The following PCBP2 variants were observed in gnomAD, a reference collection of about 807,000 sequenced individuals.
PCBP2 encodes poly(rC)-binding protein 2.
In PCBP2, 4 loss-of-function variants were observed where a neutral mutation model predicts 50.1. That is an observed-to-expected ratio of 0.08 (90% CI 0.04 to 0.18). PCBP2 has a LOEUF of 0.18. Among genes scored for constraint, PCBP2 ranks in the 10% least tolerant of loss-of-function variants. PCBP2 has a pLI of 1.00. For synonymous variants in PCBP2, 179 were observed against 168.0 expected, an observed-to-expected ratio of 1.07 and a Z score of -0.51; for missense variants, 161 against 474.3, an observed-to-expected ratio of 0.34 and a Z score of 6.14.
chr12:53,465,717 A>G (rs1055649599), intron 9 of PCBP2, among the ~76,000 whole-genome samples: 1 of 152,188 alleles, frequency 6.6e-6, no homozygotes, highest in African/African-American at 2.4e-5. Context: ...GGCTACCTTT[A>G]TAGGATTCCC....
rs144986654 is a variant in PCBP2 at position 53,459,653 on chromosome 12, AT to A, written c.375+259del. The A allele has an allele frequency of 1.2e-3, 323 of 271,388 alleles. 2 individuals carry two copies. The highest frequency in any genetic ancestry group is 1.4e-3 in the African/African-American group (65 of 44,846). The allele number at this position is 271,388 out of a possible 1,614,324, so 16.8% of individuals were successfully genotyped here. On this transcript the variant is annotated intron_variant, in intron 6 of 14. Transcript: ENST00000546463. ...CAACTATTACATATGACAAGTTTCT[AT>A]TTTTTTTTGGCAACTTTTCCATGAG...
chr12:53,479,276 A>C (rs1942888348), intron 14 of PCBP2, 130 bp from the exon 15 acceptor site: 1 of 789,156 alleles, frequency 1.3e-6, no homozygotes, highest in Admixed American at 2.0e-5. Context: ...GGTAAATTTA[A>C]GAAACCTTAA....
rs770944398 is a variant in PCBP2 at position 53,455,841 on chromosome 12, A to T, written c.127-44A>T. The T allele has an allele frequency of 7.7e-6, 10 of 1,306,694 alleles. No homozygotes were observed. The Admixed American group carries it at 1.2e-4, about 15-fold the overall frequency. 80.9% of individuals were successfully genotyped at this position (1,306,694 alleles called of 1,614,324 possible). A position where few individuals can be genotyped will look rare whatever the true frequency, so the allele number is the denominator to read the frequency against. On this transcript the variant is annotated intron_variant, in intron 4 of 14. Coordinates refer to ENST00000546463, the MANE Select transcript of PCBP2 (RefSeq NM_031989.5). The stretch of plus-strand genomic sequence containing the variant: ...GACTGTAGATCCTGTACATACTCAG[A>T]TCTTCTTTGTTTTAACTTCTTTTGG...
At position 53,465,993 on chromosome 12, in the gene PCBP2, C is replaced by G. The variant is rs938976854; in HGVS notation, c.714+20C>G. The G allele has an allele frequency of 2.4e-5, 39 of 1,611,964 alleles. No homozygotes were observed. The highest frequency in any genetic ancestry group is 4.0e-5 in the African/African-American group (3 of 74,866). ...CCAGATGTAAGTTTTGTTTTCACTT[C>G]TTGTTTTGAAAAGCTCCCTCTCCCA... On this transcript the variant is annotated intron_variant, in intron 10 of 14. Coordinates refer to ENST00000546463, the MANE Select transcript of PCBP2 (RefSeq NM_031989.5).
intron 9 of PCBP2, among the ~76,000 whole-genome samples, chr12:53,465,587 G>A (rs1941759753): frequency 6.6e-6 from 1 of 152,170 alleles, no homozygotes; most frequent in Non-Finnish European, 1.5e-5. Flanking sequence ...TTCCTCCTAG[G>A]CTATCTTGTA....
chr12:53,454,616 G>A (rs1451552675), intron 1 of PCBP2, 110 bp from the exon 2 acceptor site: 13 of 606,918 alleles, frequency 2.1e-5, no homozygotes, highest in Non-Finnish European at 3.6e-5. Flanking sequence ...CTGACATACT[G>A]TCATTTAAGG....
Position 53,461,206 on chromosome 12 carries a change from C to G in PCBP2, c.504+63C>G, listed in dbSNP as rs1941422303. ...CCATTCTGGGGACAGAGGGACTGAT[C>G]TATATTTAGTAAGACTAGAATTAAG... On this transcript the variant is annotated intron_variant, in intron 7 of 14. Coordinates refer to ENST00000546463, the MANE Select transcript of PCBP2 (RefSeq NM_031989.5). The G allele has an allele frequency of 5.7e-6, 9 of 1,566,914 alleles. No homozygotes were observed. In the East Asian group the frequency reaches 1.4e-4, roughly 24 times the overall value.
At position 53,459,167 on chromosome 12, in the gene PCBP2, G is replaced by T. The variant is rs541439636; in HGVS notation, c.244-105G>T. Reference sequence around the variant, plus strand: ...TTTGTCTATGGTGGATTATGACCTCGCATGTCCTAATAAGATCACTTACCC... The same window carrying T: ...TTTGTCTATGGTGGATTATGACCTCTCATGTCCTAATAAGATCACTTACCC... On this transcript the variant is annotated intron_variant, in intron 5 of 14. Coordinates refer to ENST00000546463, the MANE Select transcript of PCBP2 (RefSeq NM_031989.5). 58 of 897,226 alleles carry T rather than the reference G, an allele frequency of 6.5e-5. No individual in the cohort carries two copies. The African/African-American group carries it at 9.5e-4, about 15-fold the overall frequency. The allele number at this position is 897,226 out of a possible 1,614,324, so 55.6% of individuals were successfully genotyped here.
chr12:53,465,017 G>T, intron 9 of PCBP2, 165 bp downstream of exon 9: 1 of 795,200 alleles, frequency 1.3e-6, no homozygotes, highest in Non-Finnish European at 1.7e-6. Flanking sequence ...CCCAGGCCGC[G>T]TAGCCCACCA....
intron 12 of PCBP2, 128 bp downstream of exon 12, chr12:53,467,971 A>G: frequency 1.3e-6 from 1 of 788,318 alleles, no homozygotes; most frequent in Non-Finnish European, 2.1e-6. Context: ...TGAGAGAGCA[A>G]AGGGGTGGGC....
chr12:53,473,664 A>G (rs919726060), intron 14 of PCBP2, among the ~76,000 whole-genome samples: 2 of 152,206 alleles, frequency 1.3e-5, no homozygotes, highest in South Asian at 2.1e-4. Flanking sequence ...ATTAGGGTCA[A>G]AACTTTTCAA....
At chr12:53,463,326 G>T (rs1157545905) in intron 8 of PCBP2, among the ~76,000 whole-genome samples, 1 of 152,154 alleles carries the variant, frequency 6.6e-6, no homozygotes, top group African/African-American at 2.4e-5. Context: ...GTAGTCCTAT[G>T]CTCTGATTGT....
intron 8 of PCBP2, among the ~76,000 whole-genome samples, chr12:53,463,701 CT>C (rs1941612132): frequency 6.6e-6 from 1 of 152,224 alleles, no homozygotes; most frequent in Non-Finnish European, 1.5e-5. Context: ...CTAGGGACAA[CT>C]GCATTGGGAT....
intron 14 of PCBP2, among the ~76,000 whole-genome samples, chr12:53,477,560 G>T (rs1014019589): frequency 6.6e-6 from 1 of 150,940 alleles, no homozygotes; most frequent in Non-Finnish European, 1.5e-5. Flanking sequence ...CAGCAACTCG[G>T]GAGGCTGAGG....
In PCBP2 at chr12:53,462,586, G is replaced by T. The variant is rs555841185; in HGVS notation, c.579+19G>T. ...TGGTCAGGTAAGAAAATTCTCATTTGTGGGCTAGAATGAACAGAGATTATA... is the reference window on the plus strand; with the variant it reads ...TGGTCAGGTAAGAAAATTCTCATTTTTGGGCTAGAATGAACAGAGATTATA... On this transcript the variant is annotated intron_variant, in intron 8 of 14. Coordinates refer to ENST00000546463, the MANE Select transcript of PCBP2 (RefSeq NM_031989.5). 3 of 1,596,870 alleles carry T rather than the reference G, an allele frequency of 1.9e-6. No individual in the cohort carries two copies. The highest frequency in any genetic ancestry group is 2.6e-6 in the Non-Finnish European group (3 of 1,165,280).
Position 53,460,905 on chromosome 12 carries a change from T to G in PCBP2, c.376-110T>G, listed in dbSNP as rs1000269022. 4.2e-6 allele frequency: 5 copies of G among 1,198,444 alleles called. No homozygotes were observed. The African/African-American group carries it at 6.1e-5, about 15-fold the overall frequency. The allele number at this position is 1,198,444 out of a possible 1,614,324, so 74.2% of individuals were successfully genotyped here. ...GGGACAAAGAACAAAAAGGGAAGAT[T>G]GGAAATGGATAAATATCTACTAGAG... On this transcript the variant is annotated intron_variant, in intron 6 of 14. Transcript: ENST00000546463.
At chr12:53,475,991 T>A (rs1942555832) in intron 14 of PCBP2, 1 of 152,134 alleles carries the variant, frequency 6.6e-6, no homozygotes, top group South Asian at 2.1e-4. Context: ...AGAACATACT[T>A]CTTTACCCAG....
chr12:53,475,314 G>C, intron 14 of PCBP2: 2 of 374,330 alleles, frequency 5.3e-6, no homozygotes, highest in Admixed American at 3.2e-5. Flanking sequence ...GCTTGTTACC[G>C]TTTCCTTTTT....
chr12:53,457,114 AT>A (rs1941086079), intron 5 of PCBP2, among the ~76,000 whole-genome samples: 1 of 152,020 alleles, frequency 6.6e-6, no homozygotes, highest in African/African-American at 2.4e-5. Flanking sequence ...GTGCAGTGAT[AT>A]ACCTGTAGCT....
Sources: gnomAD v4.1 joint callset for allele counts (sites outside exome capture counted in the v4.1 genomes callset) on GRCh38, gnomAD v4.1.1 for gene constraint, MANE v1.5 for transcripts, NCBI Gene and HGNC (gene_info 2026-07-23, HGNC 2026-07-21) for gene names.